The following CSMD1 variants were observed in gnomAD, a reference collection of about 807,000 sequenced individuals.
The protein encoded by CSMD1 is CUB and sushi domain-containing protein 1.
CSMD1 carries 213 observed loss-of-function variants against 417.5 expected under a neutral mutation model. The observed-to-expected ratio is 0.51, with a 90% confidence interval of 0.46 to 0.57. The LOEUF (loss-of-function observed/expected upper bound fraction) is 0.57. CSMD1 is among the 20% of genes least tolerant of loss of function. The probability of loss-of-function intolerance (pLI) is 0.00; values close to 1 mark genes in which losing one functional copy is unlikely to be tolerated. For synonymous variants in CSMD1, 2,862 were observed against 1,736.8 expected (o/e 1.65, Z -16.11); for missense variants, 6,923 against 4,529.7 (o/e 1.53, Z -15.17).
chr8:4,420,689 G>T (rs143250012), intron 2 of CSMD1, among the ~76,000 whole-genome samples: 3 of 152,138 alleles, frequency 2.0e-5, no homozygotes, highest in Admixed American at 6.6e-5. Context: ...AAAAGTGAGT[G>T]AGATGGTCAG....
chr8:4,882,994 A>T (rs895578528), intron 1 of CSMD1, among the ~76,000 whole-genome samples: 1 of 152,054 alleles, frequency 6.6e-6, no homozygotes, highest in Non-Finnish European at 1.5e-5. Flanking sequence ...CAGAAGAGAA[A>T]ATTGACAATT....
intron 7 of CSMD1, among the ~76,000 whole-genome samples, chr8:3,663,747 G>T (rs1350816538): frequency 6.6e-6 from 1 of 151,992 alleles, no homozygotes; most frequent in African/African-American, 2.4e-5. Context: ...TGCCTTTCTG[G>T]ACCGAACCAA....
At chr8:4,213,673 C>A (rs900254550) in intron 3 of CSMD1, among the ~76,000 whole-genome samples, 1 of 152,210 alleles carries the variant, frequency 6.6e-6, no homozygotes, top group African/African-American at 2.4e-5. Flanking sequence ...GAGATGAAAG[C>A]AGCCATGGGC....
At chr8:4,450,245 GAC>G (rs1321397571) in intron 2 of CSMD1, among the ~76,000 whole-genome samples, 4 of 152,192 alleles carry the variant, frequency 2.6e-5, no homozygotes, top group Non-Finnish European at 4.4e-5. Context: ...AAAGCAAAGA[GAC>G]AGTGTCTGAT....
At chr8:3,191,283 C>G (rs971518381) in intron 33 of CSMD1, among the ~76,000 whole-genome samples, 2 of 151,996 alleles carry the variant, frequency 1.3e-5, no homozygotes, top group African/African-American at 2.4e-5. Flanking sequence ...GGTGAAACCC[C>G]CGTCTCTACT....
chr8:3,805,440 A>G (rs1265421692), intron 5 of CSMD1, among the ~76,000 whole-genome samples: 1 of 152,140 alleles, frequency 6.6e-6, no homozygotes, highest in Non-Finnish European at 1.5e-5. Context: ...CTCTGAGTGG[A>G]GCAGAAATGA....
intron 5 of CSMD1, among the ~76,000 whole-genome samples, chr8:3,948,159 T>C (rs988997499): frequency 3.3e-5 from 5 of 152,166 alleles, no homozygotes; most frequent in Non-Finnish European, 1.5e-5. Flanking sequence ...CAGCTGAGAT[T>C]GCACCACTAC....
At chr8:4,484,046 T>A (rs1801239841) in intron 2 of CSMD1, among the ~76,000 whole-genome samples, 1 of 152,088 alleles carries the variant, frequency 6.6e-6, no homozygotes, top group Non-Finnish European at 1.5e-5. Flanking sequence ...CATTTCTTAG[T>A]CTGCCAAGCA....
intron 10 of CSMD1, among the ~76,000 whole-genome samples, chr8:3,515,689 T>A (rs1797254877): frequency 6.6e-6 from 1 of 152,198 alleles, no homozygotes; most frequent in South Asian, 2.1e-4. Context: ...AATCATCACA[T>A]ATTCTAGGCC....
At position 4,909,619 on chromosome 8, in the gene CSMD1, G is replaced by C. The variant is rs561201965; in HGVS notation, c.85+84713C>G. Among the ~76,000 whole-genome samples the C allele has an allele frequency of 7.9e-5, 12 of 152,202 alleles. No individual in the cohort carries two copies. The East Asian group carries it at 1.7e-3, about 22-fold the overall frequency. On this transcript the variant is annotated intron_variant, in intron 1 of 69. Transcript: ENST00000635120. ...GAATTTTCACCGTGAGCACTTCATG[G>C]GGTTCCTAGAAGTAAAGGCAATGAG...
intron 3 of CSMD1, among the ~76,000 whole-genome samples, chr8:4,173,739 AT>A (rs1797890461): frequency 6.6e-6 from 1 of 152,102 alleles, no homozygotes; most frequent in South Asian, 2.1e-4. Flanking sequence ...TTTGTCATTA[AT>A]AAAAAACTTA....
intron 12 of CSMD1, among the ~76,000 whole-genome samples, chr8:3,451,891 A>C (rs887675596): frequency 5.9e-5 from 9 of 152,178 alleles, no homozygotes; most frequent in African/African-American, 2.2e-4. Flanking sequence ...CATTGAATCT[A>C]TAAATTACCT....
intron 3 of CSMD1, among the ~76,000 whole-genome samples, chr8:4,368,015 G>C (rs185770994): frequency 6.6e-6 from 1 of 152,154 alleles, no homozygotes. Flanking sequence ...ACCTTTTCTT[G>C]GCTGATTGCT....
chr8:4,811,634 G>T (rs1798913993), intron 1 of CSMD1, among the ~76,000 whole-genome samples: 2 of 151,852 alleles, frequency 1.3e-5, no homozygotes, highest in African/African-American at 4.8e-5. Context: ...AATTTTGATG[G>T]GGCTGTCATA....
At chr8:4,184,172 G>C (rs1798535625) in intron 3 of CSMD1, among the ~76,000 whole-genome samples, 1 of 152,090 alleles carries the variant, frequency 6.6e-6, no homozygotes, top group Non-Finnish European at 1.5e-5. Flanking sequence ...AAAAGCAATG[G>C]AAATGTTATA....
intron 1 of CSMD1, among the ~76,000 whole-genome samples, chr8:4,731,232 C>T (rs563552507): frequency 6.6e-6 from 1 of 152,274 alleles, no homozygotes; most frequent in African/African-American, 2.4e-5. Context: ...CCCACTCAGC[C>T]TCCACACAAG....
chr8:4,332,510 TG>T (rs1398286566), intron 3 of CSMD1, among the ~76,000 whole-genome samples: 1 of 151,102 alleles, frequency 6.6e-6, no homozygotes, highest in African/African-American at 2.4e-5. Flanking sequence ...TTCTGGTTTT[TG>T]CTTTTTTTCC....
chr8:4,069,566 C>T (rs1799436639), intron 3 of CSMD1, among the ~76,000 whole-genome samples: 1 of 152,232 alleles, frequency 6.6e-6, no homozygotes, highest in African/African-American at 2.4e-5. Context: ...CATTCACAGG[C>T]ATCCATGCAG....
At chr8:3,716,824 G>C (rs1295086201) in intron 6 of CSMD1, among the ~76,000 whole-genome samples, 1 of 152,086 alleles carries the variant, frequency 6.6e-6, no homozygotes, top group Admixed American at 6.5e-5. Context: ...TGGAAGTATG[G>C]TAGTCATCTA....
Sources: gnomAD v4.1 joint callset for allele counts (sites outside exome capture counted in the v4.1 genomes callset) on GRCh38, gnomAD v4.1.1 for gene constraint, MANE v1.5 for transcripts, NCBI Gene and HGNC (gene_info 2026-07-23, HGNC 2026-07-21) for gene names.